Variants in ATXN1 observed in about 807,000 individuals in gnomAD.
ATXN1 encodes the protein ataxin-1.
Under a neutral mutation model 56.4 loss-of-function variants are expected in ATXN1, and 8 were observed. That is an observed-to-expected ratio of 0.14 (90% CI 0.08 to 0.26). ATXN1 has a LOEUF of 0.26. ATXN1 is among the 10% of genes least tolerant of loss of function. The pLI is 1.00. For synonymous variants in ATXN1, 514 were observed against 494.6 expected (o/e 1.04, Z -0.52); for missense variants, 987 against 1,106.5 (o/e 0.89, Z 1.53).
At chr6:16,437,972 C>G (rs981458939) in intron 6 of ATXN1, among the ~76,000 whole-genome samples, 3 of 152,134 alleles carry the variant, frequency 2.0e-5, no homozygotes, top group African/African-American at 7.2e-5. Flanking sequence ...CACTTCTGGT[C>G]GGGACTTCTT....
intron 4 of ATXN1, among the ~76,000 whole-genome samples, chr6:16,525,694 A>C (rs948239054): frequency 1.5e-4 from 23 of 152,242 alleles, no homozygotes; most frequent in South Asian, 8.3e-4. Flanking sequence ...GTAATGGATA[A>C]ATGCTTGAGT....
At chr6:16,588,464 C>T (rs1162836006) in intron 3 of ATXN1, among the ~76,000 whole-genome samples, 1 of 152,226 alleles carries the variant, frequency 6.6e-6, no homozygotes, top group African/African-American at 2.4e-5. Flanking sequence ...CCCACCCCTT[C>T]TATCAAATGA....
intron 1 of ATXN1, among the ~76,000 whole-genome samples, chr6:16,758,852 T>A (rs1760968235): frequency 6.6e-6 from 1 of 152,228 alleles, no homozygotes; most frequent in Non-Finnish European, 1.5e-5. Context: ...GACTGATGCA[T>A]GCACAGTGAG....
chr6:16,556,838 A>C (rs991701095), intron 4 of ATXN1, among the ~76,000 whole-genome samples: 2 of 152,248 alleles, frequency 1.3e-5, no homozygotes, highest in African/African-American at 2.4e-5. Context: ...ATTATTTATA[A>C]ATGCTATGAT....
chr6:16,330,661 GC>G (rs1342671780), intron 6 of ATXN1, among the ~76,000 whole-genome samples: 3 of 152,046 alleles, frequency 2.0e-5, no homozygotes, highest in Non-Finnish European at 4.4e-5. Flanking sequence ...GGGATTACAG[GC>G]ATGAGCCACT....
intron 6 of ATXN1, among the ~76,000 whole-genome samples, chr6:16,450,786 G>A (rs938880978): frequency 1.3e-5 from 2 of 152,188 alleles, no homozygotes; most frequent in Admixed American, 6.5e-5. Flanking sequence ...CTTGGGAAAG[G>A]ACCTTCTAGG....
At chr6:16,562,750 A>C (rs571980266) in intron 4 of ATXN1, among the ~76,000 whole-genome samples, 74 of 152,196 alleles carry the variant, frequency 4.9e-4, no homozygotes, top group African/African-American at 1.6e-3. Context: ...TAGAACACAG[A>C]CTATGTTTTC....
At chr6:16,618,048 A>T (rs1763251575) in intron 3 of ATXN1, among the ~76,000 whole-genome samples, 1 of 152,068 alleles carries the variant, frequency 6.6e-6, no homozygotes, top group Non-Finnish European at 1.5e-5. Flanking sequence ...TCTAGGTATA[A>T]AAGCAAAAAA....
At chr6:16,594,548 T>A (rs1358423446) in intron 3 of ATXN1, among the ~76,000 whole-genome samples, 1 of 151,672 alleles carries the variant, frequency 6.6e-6, no homozygotes. Flanking sequence ...AGTGGCACGA[T>A]CTCGGCTCAC....
chr6:16,311,179 T>A (rs145189661), intron 7 of ATXN1, among the ~76,000 whole-genome samples: 1 of 152,264 alleles, frequency 6.6e-6, no homozygotes, highest in African/African-American at 2.4e-5. Flanking sequence ...TTTTGTTTAA[T>A]GTTCATAATA....
In ATXN1 at chr6:16,420,776, G is replaced by A. The variant is rs182589068; in HGVS notation, c.-161+65196C>T. On this transcript the variant is annotated intron_variant, in intron 6 of 7. Transcript: ENST00000436367. ...TAGAATGACCCATAAAAATTACTTGGAAGGCTATTATCTCATAACCGGGGC... is the reference window on the plus strand; with the variant it reads ...TAGAATGACCCATAAAAATTACTTGAAAGGCTATTATCTCATAACCGGGGC... 3.3e-5 allele frequency among the ~76,000 whole-genome samples: 5 copies of A among 152,208 alleles called. No individual in the cohort carries two copies. In the East Asian group the frequency reaches 9.6e-4, roughly 29 times the overall value.
intron 2 of ATXN1, among the ~76,000 whole-genome samples, chr6:16,703,501 AC>A (rs1156995720): frequency 3.3e-5 from 5 of 152,170 alleles, no homozygotes; most frequent in Non-Finnish European, 7.4e-5. Flanking sequence ...TTCCTTTATA[AC>A]TCTATATTTC....
chr6:16,734,442 A>G (rs994591411), intron 2 of ATXN1, among the ~76,000 whole-genome samples: 1 of 152,220 alleles, frequency 6.6e-6, no homozygotes, highest in South Asian at 2.1e-4. Context: ...GGAAAAAAGA[A>G]GAGAAAAAGG....
At chr6:16,526,598 C>T (rs12527135) in intron 4 of ATXN1, among the ~76,000 whole-genome samples, 12 of 151,982 alleles carry the variant, frequency 7.9e-5, no homozygotes, top group African/African-American at 2.9e-4. Flanking sequence ...AACCCTGTCT[C>T]TACTAAAAAT....
intron 4 of ATXN1, among the ~76,000 whole-genome samples, chr6:16,550,984 G>A (rs771583263): frequency 2.1e-4 from 32 of 152,184 alleles, no homozygotes; most frequent in Non-Finnish European, 4.4e-4. Flanking sequence ...AAACTAATGA[G>A]TTGACAGTGG....
chr6:16,525,438 C>T (rs1197805327), intron 4 of ATXN1, among the ~76,000 whole-genome samples: 1 of 152,110 alleles, frequency 6.6e-6, no homozygotes, highest in Non-Finnish European at 1.5e-5. Flanking sequence ...ACAAACTTAG[C>T]ATGTTCTCAC....
intron 2 of ATXN1, among the ~76,000 whole-genome samples, chr6:16,698,659 A>G (rs1759217129): frequency 6.6e-6 from 1 of 151,988 alleles, no homozygotes; most frequent in East Asian, 1.9e-4. Flanking sequence ...TTAAAAAAAA[A>G]AAAAAAAAAA....
chr6:16,456,881 T>C (rs1759887279), intron 6 of ATXN1, among the ~76,000 whole-genome samples: 2 of 152,192 alleles, frequency 1.3e-5, no homozygotes, highest in South Asian at 4.1e-4. Flanking sequence ...TGGGGGACTA[T>C]CTGGAATTTT....
intron 2 of ATXN1, among the ~76,000 whole-genome samples, chr6:16,666,105 T>G (rs569396354): frequency 1.3e-5 from 2 of 152,340 alleles, no homozygotes; most frequent in African/African-American, 4.8e-5. Context: ...TATATTTTTA[T>G]AGCCACTAAC....
Sources: gnomAD v4.1 joint callset for allele counts (sites outside exome capture counted in the v4.1 genomes callset) on GRCh38, gnomAD v4.1.1 for gene constraint, MANE v1.5 for transcripts, NCBI Gene and HGNC (gene_info 2026-07-23, HGNC 2026-07-21) for gene names.